The following KCTD16 variants were observed in gnomAD, a reference collection of about 807,000 sequenced individuals.
The protein encoded by KCTD16 is BTB/POZ domain-containing protein KCTD16.
KCTD16 carries 13 observed loss-of-function variants against 33.2 expected under a neutral mutation model. The ratio of observed to expected loss-of-function variants is 0.39; its 90% CI spans 0.25 to 0.62. The LOEUF is 0.62. Among genes scored for constraint, KCTD16 ranks in the 20% least tolerant of loss-of-function variants. The pLI is 0.50. For missense variants in KCTD16, 441 were observed against 525.1 expected (o/e 0.84, Z 1.57); for synonymous variants, 197 against 195.3 (o/e 1.01, Z -0.07).
intron 2 of KCTD16, among the ~76,000 whole-genome samples, chr5:144,175,942 T>G (rs554525319): frequency 6.6e-6 from 1 of 152,192 alleles, no homozygotes; most frequent in East Asian, 1.9e-4. Flanking sequence ...AGATCAATTA[T>G]AAACATTCAC....
chr5:144,455,314 C>G (rs1027787631), intron 3 of KCTD16, among the ~76,000 whole-genome samples: 2 of 152,094 alleles, frequency 1.3e-5, no homozygotes, highest in Non-Finnish European at 2.9e-5. Context: ...AGAATCTGTG[C>G]CATACTTAAT....
At chr5:144,449,778 T>C (rs981166260) in intron 3 of KCTD16, among the ~76,000 whole-genome samples, 1 of 151,984 alleles carries the variant, frequency 6.6e-6, no homozygotes, top group Non-Finnish European at 1.5e-5. Context: ...ACCTCTATCT[T>C]ACACCATAGA....
intron 3 of KCTD16, among the ~76,000 whole-genome samples, chr5:144,431,774 G>T (rs774575739): frequency 3.3e-5 from 5 of 152,060 alleles, no homozygotes; most frequent in Non-Finnish European, 1.5e-5. Context: ...ACAATACTAT[G>T]TACAAAATAG....
intron 3 of KCTD16, among the ~76,000 whole-genome samples, chr5:144,435,241 T>A (rs1324924930): frequency 6.6e-6 from 1 of 152,234 alleles, no homozygotes. Flanking sequence ...TTTACCTGTC[T>A]GTAAATTGCT....
At chr5:144,182,977 T>C (rs192033172) in intron 2 of KCTD16, among the ~76,000 whole-genome samples, 1 of 152,208 alleles carries the variant, frequency 6.6e-6, no homozygotes, top group East Asian at 1.9e-4. Context: ...TGCTTACTTG[T>C]AATCATTTCT....
Position 144,299,136 on chromosome 5 carries a change from ATATATATATATAT to A in KCTD16, c.832+91592_832+91604del, listed in dbSNP as rs1401753032. Among the ~76,000 whole-genome samples the A allele has an allele frequency of 2.3e-4, 7 of 30,428 alleles. 1 individual carries two copies. In the South Asian group the frequency reaches 4.2e-3, roughly 18 times the overall value. The allele number at this position is 30,428 out of a possible 152,430, so 20.0% of individuals were successfully genotyped here. A position where few individuals can be genotyped will look rare whatever the true frequency, so the allele number is the denominator to read the frequency against. ...TATATATATATATATATATATATAT[ATATATATATATAT>A]TTTTTTTTTTTTTTTTAACCTGTCA... is the stretch of plus-strand genomic sequence containing the variant. On this transcript the variant is annotated intron_variant, in intron 3 of 3. Coordinates refer to ENST00000512467, the MANE Select transcript of KCTD16 (RefSeq NM_020768.4).
intron 3 of KCTD16, among the ~76,000 whole-genome samples, chr5:144,410,142 T>G (rs1327841206): frequency 6.6e-6 from 1 of 152,118 alleles, no homozygotes; most frequent in African/African-American, 2.4e-5. Context: ...AAGGAGGAGA[T>G]GACTGGGAAA....
chr5:144,381,529 C>A (rs1325997543), intron 3 of KCTD16, among the ~76,000 whole-genome samples: 1 of 152,146 alleles, frequency 6.6e-6, no homozygotes, highest in Admixed American at 6.5e-5. Flanking sequence ...AGGAAGTTTA[C>A]AATCATGATG....
At position 144,205,661 on chromosome 5, in the gene KCTD16, C is replaced by A. The variant is rs917088216; in HGVS notation, c.-326-728C>A. The stretch of plus-strand genomic sequence containing the variant: ...CCTCTTGCAACTCTCTTCTAAGGAT[C>A]CTTTCCAAAGATTTCTTTTTCCATT... On this transcript the variant is annotated intron_variant, in intron 2 of 3. Transcript: ENST00000512467. 3.0e-5 allele frequency: 12 copies of A among 398,440 alleles called. No individual in the cohort carries two copies. In the Admixed American group the frequency reaches 3.1e-4, roughly 10 times the overall value. 24.7% of individuals were successfully genotyped at this position (398,440 alleles called of 1,614,324 possible).
chr5:144,238,851 G>T (rs1038616628), intron 3 of KCTD16, among the ~76,000 whole-genome samples: 2 of 152,084 alleles, frequency 1.3e-5, no homozygotes, highest in African/African-American at 4.8e-5. Flanking sequence ...CATCCTTATT[G>T]CTAGGCACTA....
chr5:144,372,914 G>A (rs182900754), intron 3 of KCTD16, among the ~76,000 whole-genome samples: 1 of 152,150 alleles, frequency 6.6e-6, no homozygotes, highest in Non-Finnish European at 1.5e-5. Context: ...CCACTGAAGA[G>A]AGGAGTTGGG....
At chr5:144,289,554 G>A (rs1216138581) in intron 3 of KCTD16, among the ~76,000 whole-genome samples, 6 of 151,994 alleles carry the variant, frequency 3.9e-5, no homozygotes, top group African/African-American at 1.2e-4. Context: ...ACTTTCCTCC[G>A]CCACCTTATG....
At chr5:144,260,742 T>G (rs560328521) in intron 3 of KCTD16, among the ~76,000 whole-genome samples, 16 of 152,124 alleles carry the variant, frequency 1.1e-4, no homozygotes, top group Non-Finnish European at 1.8e-4. Context: ...GCCTGTTTTT[T>G]TTGTTGTTGT....
intron 3 of KCTD16, among the ~76,000 whole-genome samples, chr5:144,252,435 TC>T (rs1754725759): frequency 1.3e-5 from 2 of 152,174 alleles, no homozygotes; most frequent in Non-Finnish European, 2.9e-5. Flanking sequence ...GTGTCACTTT[TC>T]TTTCGATGCA....
Position 144,480,386 on chromosome 5 carries a change from G to GA in KCTD16, c.*6277dup, listed in dbSNP as rs1043879563. The stretch of plus-strand genomic sequence containing the variant: ...AATTCAAACAATACTAATTTCTGGG[G>GA]AAAAATCAAACTCATATCCATGTAT... On this transcript the variant is annotated 3_prime_UTR_variant, in exon 4 of 4. Coordinates refer to ENST00000512467, the MANE Select transcript of KCTD16 (RefSeq NM_020768.4). 12 of 151,848 alleles carry GA rather than the reference G, an allele frequency of 7.9e-5. No homozygotes were observed. Among genetic ancestry groups the GA allele is most frequent in the African/African-American group, 2.7e-4 (11 of 41,372 alleles). The allele number at this position is 151,848 out of a possible 1,614,324, so 9.4% of individuals were successfully genotyped here. A position where few individuals can be genotyped will look rare whatever the true frequency, so the allele number is the denominator to read the frequency against.
At chr5:144,432,587 T>C (rs977794771) in intron 3 of KCTD16, among the ~76,000 whole-genome samples, 4 of 152,260 alleles carry the variant, frequency 2.6e-5, no homozygotes, top group South Asian at 4.1e-4. Context: ...GAATGACTTA[T>C]ATTGGATCAG....
chr5:144,299,148 A>ATTT lies in KCTD16; in HGVS notation c.832+91617_832+91619dup, dbSNP rs369343270. Among the ~76,000 whole-genome samples, 53 of 14,052 alleles carry ATTT rather than the reference A, an allele frequency of 3.8e-3. 6 individuals carry two copies. Among genetic ancestry groups the ATTT allele is most frequent in the Non-Finnish European group, 4.3e-3 (36 of 8,370 alleles). 9.2% of individuals were successfully genotyped at this position (14,052 alleles called of 152,430 possible). ...TATATATATATATATATATATATAT[A>ATTT]TTTTTTTTTTTTTTTTTAACCTGTC... is the stretch of plus-strand genomic sequence containing the variant. On this transcript the variant is annotated intron_variant, in intron 3 of 3. Coordinates refer to ENST00000512467, the MANE Select transcript of KCTD16 (RefSeq NM_020768.4).
chr5:144,275,895 G>A (rs1033381871), intron 3 of KCTD16, among the ~76,000 whole-genome samples: 17 of 152,204 alleles, frequency 1.1e-4, no homozygotes, highest in Admixed American at 9.8e-4. Flanking sequence ...CTTACAACAA[G>A]CTGTACCATG....
chr5:144,191,705 C>CT (rs1198520541), intron 2 of KCTD16, among the ~76,000 whole-genome samples: 3 of 152,128 alleles, frequency 2.0e-5, no homozygotes, highest in Non-Finnish European at 2.9e-5. Flanking sequence ...ACTTATCTCT[C>CT]TCTAGACTTG....
Sources: gnomAD v4.1 joint callset for allele counts (sites outside exome capture counted in the v4.1 genomes callset) on GRCh38, gnomAD v4.1.1 for gene constraint, MANE v1.5 for transcripts, NCBI Gene and HGNC (gene_info 2026-07-23, HGNC 2026-07-21) for gene names.